Variants in CACNA2D2 observed in about 807,000 individuals in gnomAD.
CACNA2D2 encodes the protein voltage-dependent calcium channel subunit alpha-2/delta-2.
Under a neutral mutation model 166.4 loss-of-function variants are expected in CACNA2D2, and 48 were observed. That is an observed-to-expected ratio of 0.29 (90% CI 0.23 to 0.37). The LOEUF (loss-of-function observed/expected upper bound fraction) is 0.37, where lower values mean the gene tolerates loss of function less well. Ranked by LOEUF, CACNA2D2 falls within the 10% of genes least tolerant of loss-of-function variation. The probability of loss-of-function intolerance (pLI) is 1.00; values close to 1 mark genes in which losing one functional copy is unlikely to be tolerated. For synonymous variants in CACNA2D2, 561 were observed against 573.7 expected, an observed-to-expected ratio of 0.98 and a Z score of 0.32; for missense variants, 1,122 against 1,433.0, an observed-to-expected ratio of 0.78 and a Z score of 3.50.
chr3:50,372,613 T>C (rs1704713864), intron 22 of CACNA2D2, among the ~76,000 whole-genome samples: 1 of 151,850 alleles, frequency 6.6e-6, no homozygotes, highest in Non-Finnish European at 1.5e-5. Flanking sequence ...TACCTCAGAG[T>C]AGGCCTTGTG....
At chr3:50,483,452 C>G (rs1312554074) in intron 1 of CACNA2D2, among the ~76,000 whole-genome samples, 1 of 152,220 alleles carries the variant, frequency 6.6e-6, no homozygotes, top group Non-Finnish European at 1.5e-5. Flanking sequence ...CGGGGCTATC[C>G]CTTCCCTTTC....
chr3:50,366,200 G>A lies in CACNA2D2; in HGVS notation c.2710-37C>T. ...AGGAGAAAGCCATGGTCACAGGGCTGGCAGTGCTACACCCCTAGAAGGCTC... is the reference window on the plus strand; with the variant it reads ...AGGAGAAAGCCATGGTCACAGGGCTAGCAGTGCTACACCCCTAGAAGGCTC... On this transcript the variant is annotated intron_variant, in intron 31 of 37. Coordinates refer to ENST00000424201, the MANE Select transcript of CACNA2D2 (RefSeq NM_006030.4). This position sits in a 1 kb window ranked among gnomAD's most constrained non-coding sequence, Gnocchi z 5.9. The A allele has an allele frequency of 6.2e-7, 1 of 1,613,952 alleles. No homozygotes were observed. The highest frequency in any genetic ancestry group is 8.5e-7 in the Non-Finnish European group (1 of 1,179,902).
rs754999742 is a variant in CACNA2D2 at position 50,381,091 on chromosome 3, C to T, written c.688G>A (p.Ala230Thr). Residue 230 changes from alanine (A) to threonine (T), a missense_variant, in exon 7 of 38, where the codon GCC (alanine) becomes ACC (threonine). Physicochemically the swap from Ala to Thr is moderately conservative, Grantham distance 58 (BLOSUM62 0). Around this residue, in one of 2 missense-constraint regions of CACNA2D2, gnomAD observed 840 missense variants for 1,166.8 expected, o/e 0.72. Transcript: ENST00000424201. ...TTTTCCATGAACACATTCTCCAGGG[C>T]CTCTGTCCAGTTGAGCTCATTGAGG... ...VILNELNWTE[A>T]LENVFMENRR... is the part of the protein sequence containing the mutation. The T allele has an allele frequency of 3.1e-6, 5 of 1,613,810 alleles. No homozygotes were observed. The East Asian group carries it at 1.1e-4, about 36-fold the overall frequency.
intron 2 of CACNA2D2, among the ~76,000 whole-genome samples, chr3:50,439,719 G>A (rs2106913779): frequency 6.6e-6 from 1 of 152,380 alleles, no homozygotes; most frequent in African/African-American, 2.4e-5. Context: ...AGAGGCCACA[G>A]GGTCTGCAGT....
chr3:50,468,052 C>T lies in CACNA2D2; in HGVS notation c.288+8066G>A, dbSNP rs189202258. The stretch of plus-strand genomic sequence containing the variant: ...TCCGAGGCAAGTGTCTCCGTGGCTG[C>T]CACTGATCCAGCAATGAAAGGGAGT... On this transcript the variant is annotated intron_variant, in intron 2 of 37. Transcript: ENST00000424201. Among the ~76,000 whole-genome samples the T allele has an allele frequency of 4.5e-3, 682 of 152,270 alleles. 24 individuals are homozygous for T. The highest frequency in any genetic ancestry group is 0.039 in the Admixed American group (594 of 15,298).
chr3:50,445,171 G>T (rs1708782450), intron 2 of CACNA2D2, among the ~76,000 whole-genome samples: 2 of 152,208 alleles, frequency 1.3e-5, no homozygotes, highest in Admixed American at 1.3e-4. Context: ...TTGGACGGTT[G>T]GGGCTACCTG....
intron 2 of CACNA2D2, among the ~76,000 whole-genome samples, chr3:50,447,654 T>C (rs1322625081): frequency 2.0e-5 from 3 of 152,134 alleles, no homozygotes; most frequent in Admixed American, 1.3e-4. Context: ...CTGGGGCAAG[T>C]GGCCTGAGTT....
At chr3:50,493,072 C>T (rs780809215) in intron 1 of CACNA2D2, among the ~76,000 whole-genome samples, 25 of 152,210 alleles carry the variant, frequency 1.6e-4, no homozygotes, top group Non-Finnish European at 3.2e-4. Context: ...ACTTCCTTTA[C>T]AAACACTTCC....
chr3:50,494,998 C>T (rs1263420285), intron 1 of CACNA2D2, among the ~76,000 whole-genome samples: 2 of 152,178 alleles, frequency 1.3e-5, no homozygotes, highest in Non-Finnish European at 2.9e-5. Context: ...TTAAGAGAAA[C>T]AGCTGTACAT....
At chr3:50,487,077 T>C (rs1698318262) in intron 1 of CACNA2D2, among the ~76,000 whole-genome samples, 1 of 152,190 alleles carries the variant, frequency 6.6e-6, no homozygotes, top group Admixed American at 6.5e-5. Context: ...ATGAGCACTC[T>C]GAGGCCTGTG....
chr3:50,462,444 T>A (rs1322014020), intron 2 of CACNA2D2, among the ~76,000 whole-genome samples: 2 of 149,696 alleles, frequency 1.3e-5, no homozygotes, highest in African/African-American at 4.9e-5. Flanking sequence ...ATAATAATAA[T>A]AAAACTAACA....
In CACNA2D2 at chr3:50,427,214, TCAC is replaced by T. The variant is rs149700354; in HGVS notation, c.405+7096_405+7098del. Among the ~76,000 whole-genome samples the T allele has an allele frequency of 5.9e-5, 9 of 152,324 alleles. No individual in the cohort carries two copies. The highest frequency in any genetic ancestry group is 1.9e-4 in the East Asian group (1 of 5,172). ...CATGCTCCCTGGTTTCTCCTAGCGTTCACCACCAAGTCCCTTCCTTATCTCCTT... is the reference window on the plus strand; with the variant it reads ...CATGCTCCCTGGTTTCTCCTAGCGTTCACCAAGTCCCTTCCTTATCTCCTT... On this transcript the variant is annotated intron_variant, in intron 3 of 37. Coordinates refer to ENST00000424201, the MANE Select transcript of CACNA2D2 (RefSeq NM_006030.4). This position sits in a 1 kb window ranked among gnomAD's most constrained non-coding sequence, Gnocchi z 4.7.
At chr3:50,382,773 C>T (rs1378254315) in intron 6 of CACNA2D2, among the ~76,000 whole-genome samples, 1 of 152,214 alleles carries the variant, frequency 6.6e-6, no homozygotes, top group Non-Finnish European at 1.5e-5. Flanking sequence ...TCGGTTTTCC[C>T]ATCTGCATAA....
At chr3:50,432,235 C>T (rs1203329912) in intron 3 of CACNA2D2, among the ~76,000 whole-genome samples, 3 of 152,162 alleles carry the variant, frequency 2.0e-5, no homozygotes, top group East Asian at 1.9e-4. Context: ...GAGACCCCAG[C>T]CCTGTGATTC....
intron 2 of CACNA2D2, among the ~76,000 whole-genome samples, chr3:50,471,937 A>C: frequency 6.6e-6 from 1 of 152,214 alleles, no homozygotes; most frequent in East Asian, 1.9e-4. Context: ...CTGGCTACCC[A>C]TAAGAAATGG....
intron 1 of CACNA2D2, among the ~76,000 whole-genome samples, chr3:50,478,750 A>G (rs1364697105): frequency 6.6e-6 from 1 of 152,174 alleles, no homozygotes; most frequent in Non-Finnish European, 1.5e-5. Flanking sequence ...TGACTCACAA[A>G]AGCTGATTCT....
intron 3 of CACNA2D2, among the ~76,000 whole-genome samples, chr3:50,428,008 T>C (rs966497694): frequency 6.6e-6 from 1 of 152,160 alleles, no homozygotes; most frequent in African/African-American, 2.4e-5. Flanking sequence ...GGGATCTTTC[T>C]CCTGCTGGCC....
chr3:50,454,622 T>C (rs1709266726), intron 2 of CACNA2D2, among the ~76,000 whole-genome samples: 2 of 152,256 alleles, frequency 1.3e-5, no homozygotes, highest in Non-Finnish European at 2.9e-5. Flanking sequence ...CCCGGGAGAT[T>C]AGCAGTTTAG....
At chr3:50,429,663 G>A (rs949845917) in intron 3 of CACNA2D2, among the ~76,000 whole-genome samples, 5 of 149,616 alleles carry the variant, frequency 3.3e-5, no homozygotes, top group South Asian at 2.1e-4. Flanking sequence ...CCAGCTACTC[G>A]GGAGGCTGAG....
Sources: allele counts gnomAD v4.1 joint callset (sites outside exome capture counted in the v4.1 genomes callset), GRCh38; gene constraint gnomAD v4.1.1; regional missense constraint gnomAD v4.1.1; non-coding constraint Gnocchi (gnomAD v3.1); transcripts MANE v1.5; gene names NCBI Gene and HGNC (gene_info 2026-07-23, HGNC 2026-07-21).